ATXN7: variants seen among roughly 807,000 people sequenced by gnomAD.
ATXN7 encodes the protein ataxin-7.
ATXN7 carries 12 observed loss-of-function variants against 70.5 expected under a neutral mutation model. The ratio of observed to expected loss-of-function variants is 0.17; its 90% CI spans 0.11 to 0.28. The LOEUF is 0.28. ATXN7 is among the 10% of genes least tolerant of loss of function. ATXN7 has a pLI of 1.00. For missense variants in ATXN7, 1,256 were observed against 1,131.7 expected (o/e 1.11, Z -1.58); for synonymous variants, 498 against 448.7 (o/e 1.11, Z -1.39).
intron 5 of ATXN7, among the ~76,000 whole-genome samples, chr3:63,977,095 G>A (rs573259700): frequency 1.3e-5 from 2 of 152,186 alleles, no homozygotes; most frequent in Non-Finnish European, 2.9e-5. Context: ...AACTGAGGTA[G>A]ATGGTGGAAG....
chr3:63,994,395 C>T (rs770673541), intron 11 of ATXN7, among the ~76,000 whole-genome samples: 14 of 151,972 alleles, frequency 9.2e-5, no homozygotes, highest in Non-Finnish European at 7.4e-5. Flanking sequence ...CCACCATGCC[C>T]GGCTAATTTT....
chr3:63,968,793 C>A (rs1049570181), intron 5 of ATXN7, among the ~76,000 whole-genome samples: 28 of 152,152 alleles, frequency 1.8e-4, no homozygotes, highest in African/African-American at 6.3e-4. Flanking sequence ...CTTCTGTCTT[C>A]ATGCGGGAAG....
At chr3:63,960,704 T>A (rs1019322280) in intron 5 of ATXN7, among the ~76,000 whole-genome samples, 2 of 152,078 alleles carry the variant, frequency 1.3e-5, no homozygotes, top group Admixed American at 1.3e-4. Context: ...GATCAGGAGG[T>A]TGTTCTTTCA....
chr3:63,870,779 C>G (rs1702569672), intron 1 of ATXN7, among the ~76,000 whole-genome samples: 1 of 152,142 alleles, frequency 6.6e-6, no homozygotes, highest in Non-Finnish European at 1.5e-5. Context: ...ACATTCTTTC[C>G]TAAAGGAAAT....
chr3:63,957,408 A>C (rs2075058262), intron 5 of ATXN7, among the ~76,000 whole-genome samples: 1 of 152,176 alleles, frequency 6.6e-6, no homozygotes, highest in African/African-American at 2.4e-5. Context: ...TCCCAACCTT[A>C]ATCAAGTGCT....
chr3:63,887,552 A>G (rs1328123573), intron 1 of ATXN7, among the ~76,000 whole-genome samples: 3 of 152,162 alleles, frequency 2.0e-5, no homozygotes, highest in South Asian at 2.1e-4. Context: ...TGTTTAAAGT[A>G]TCTGTTAGAT....
chr3:63,946,259 T>C (rs772127229), intron 4 of ATXN7, among the ~76,000 whole-genome samples: 2 of 151,876 alleles, frequency 1.3e-5, no homozygotes, highest in Middle Eastern at 3.4e-3. Context: ...AGAGAGGGCA[T>C]TGGGGCTAGT....
intron 4 of ATXN7, among the ~76,000 whole-genome samples, chr3:63,923,945 G>A (rs1575901710): frequency 6.6e-6 from 1 of 152,136 alleles, no homozygotes; most frequent in South Asian, 2.1e-4. Flanking sequence ...TGAAAGTTGG[G>A]GGGATAGTTG....
At chr3:63,959,074 T>C (rs879769933) in intron 5 of ATXN7, among the ~76,000 whole-genome samples, 3 of 152,236 alleles carry the variant, frequency 2.0e-5, no homozygotes, top group East Asian at 1.9e-4. Context: ...TTCAAAGATA[T>C]AATGATGGTA....
chr3:63,929,421 C>T (rs1007281111), intron 4 of ATXN7, among the ~76,000 whole-genome samples: 4 of 151,894 alleles, frequency 2.6e-5, no homozygotes, highest in South Asian at 2.1e-4. Context: ...TACAGGCATG[C>T]GCCACCATGC....
At chr3:63,939,059 G>A (rs950012696) in intron 4 of ATXN7, among the ~76,000 whole-genome samples, 1 of 151,166 alleles carries the variant, frequency 6.6e-6, no homozygotes, top group Middle Eastern at 3.2e-3. Context: ...TAAGACATTT[G>A]CCTGAAACTA....
At chr3:63,959,307 T>C (rs996898990) in intron 5 of ATXN7, among the ~76,000 whole-genome samples, 1 of 152,194 alleles carries the variant, frequency 6.6e-6, no homozygotes, top group Non-Finnish European at 1.5e-5. Flanking sequence ...CCTCACTCTT[T>C]TGCTTGGAAG....
chr3:63,934,100 A>G (rs141712659), intron 4 of ATXN7, among the ~76,000 whole-genome samples: 13 of 152,284 alleles, frequency 8.5e-5, no homozygotes, highest in Admixed American at 2.0e-4. Context: ...TTTGCAGCTA[A>G]TTGCTGACAC....
chr3:63,863,883 A>G lies in ATXN7; in HGVS notation c.-386A>G, dbSNP rs3185045. On this transcript the variant is annotated 5_prime_UTR_variant, in exon 1 of 13. Transcript: ENST00000674280. ...CAAACTCCCACAATGCAGCCGGGTA[A>G]ACAGCCATGGAGGAGGAGGCGGCGG... 104 of 1,169,314 alleles carry G rather than the reference A, an allele frequency of 8.9e-5. No homozygotes were observed. Among genetic ancestry groups the G allele is most frequent in the Non-Finnish European group, 1.1e-4 (103 of 955,066 alleles). The allele number at this position is 1,169,314 out of a possible 1,614,324, so 72.4% of individuals were successfully genotyped here.
At position 63,999,880 on chromosome 3, in the gene ATXN7, AT is replaced by A. The variant is rs3836529; in HGVS notation, c.*422del. 1.4e-3 allele frequency: 341 copies of A among 251,758 alleles called. No homozygotes were observed. The highest frequency in any genetic ancestry group is 2.3e-3 in the South Asian group (36 of 15,810). The allele number at this position is 251,758 out of a possible 1,614,324, so 15.6% of individuals were successfully genotyped here. On this transcript the variant is annotated 3_prime_UTR_variant, in exon 13 of 13. Transcript: ENST00000674280. ...TTTCTCCCTCCTTCCTTTTACTACCATTTTTTTTTAACACTGTCATCTGTAG... is the reference window on the plus strand; with the variant it reads ...TTTCTCCCTCCTTCCTTTTACTACCATTTTTTTTAACACTGTCATCTGTAG...
chr3:63,933,341 A>G (rs2074592614), intron 4 of ATXN7, among the ~76,000 whole-genome samples: 1 of 152,200 alleles, frequency 6.6e-6, no homozygotes, highest in African/African-American at 2.4e-5. Context: ...TGATTTTAAA[A>G]TGCAGTCTGA....
intron 4 of ATXN7, among the ~76,000 whole-genome samples, chr3:63,943,615 G>A (rs1372911225): frequency 6.6e-6 from 1 of 152,206 alleles, no homozygotes; most frequent in Non-Finnish European, 1.5e-5. Flanking sequence ...TACCCATTTA[G>A]AAATGAGAAT....
chr3:63,921,829 T>C (rs1704522331), intron 4 of ATXN7, among the ~76,000 whole-genome samples: 1 of 152,114 alleles, frequency 6.6e-6, no homozygotes, highest in Non-Finnish European at 1.5e-5. Context: ...GTTGGGAGAA[T>C]TAAATGATAT....
Position 64,001,761 on chromosome 3 carries a change from AT to A in ATXN7, c.*2298del, listed in dbSNP as rs2075835372. ...GACCTATTCTAAACAGTGCTATTAA[AT>A]TTTAGACTGTTGTTCAAATATTTTA... On this transcript the variant is annotated 3_prime_UTR_variant, in exon 13 of 13. Transcript: ENST00000674280. 1 of 152,216 alleles carries A rather than the reference AT, an allele frequency of 6.6e-6. No homozygotes were observed. The highest frequency in any genetic ancestry group is 6.5e-5 in the Admixed American group (1 of 15,282). The allele number at this position is 152,216 out of a possible 1,614,324, so 9.4% of individuals were successfully genotyped here. A position where few individuals can be genotyped will look rare whatever the true frequency, so the allele number is the denominator to read the frequency against.
Sources: allele counts gnomAD v4.1 joint callset (sites outside exome capture counted in the v4.1 genomes callset), GRCh38; gene constraint gnomAD v4.1.1; transcripts MANE v1.5; gene names NCBI Gene and HGNC (gene_info 2026-07-23, HGNC 2026-07-21).